The following TNR variants were observed in gnomAD, a reference collection of about 807,000 sequenced individuals.
TNR encodes the protein tenascin R.
TNR carries 45 observed loss-of-function variants against 150.4 expected under a neutral mutation model. The observed-to-expected ratio is 0.30, with a 90% CI of 0.24 to 0.38. TNR has a LOEUF of 0.38. TNR is among the 10% of genes least tolerant of loss of function. The pLI, the probability that TNR is intolerant of heterozygous loss-of-function variation, is 1.00. For missense variants in TNR, 1,544 were observed against 1,759.1 expected (o/e 0.88, Z 2.19); for synonymous variants, 687 against 678.4 (o/e 1.01, Z -0.20).
intron 2 of TNR, among the ~76,000 whole-genome samples, chr1:175,447,426 C>A (rs1388115814): frequency 1.3e-5 from 2 of 152,188 alleles, no homozygotes; most frequent in Admixed American, 1.3e-4. Flanking sequence ...GGTCTTACAT[C>A]ATTCATTGTT....
intron 1 of TNR, among the ~76,000 whole-genome samples, chr1:175,620,353 A>G (rs1159889032): frequency 6.6e-6 from 1 of 152,228 alleles, no homozygotes; most frequent in African/African-American, 2.4e-5. Flanking sequence ...GAATTGGAAT[A>G]GGCAGAGAGA....
chr1:175,719,265 G>T, intron 1 of TNR, among the ~76,000 whole-genome samples: 1 of 152,148 alleles, frequency 6.6e-6, no homozygotes, highest in Non-Finnish European at 1.5e-5. Flanking sequence ...GGGGTGTCGG[G>T]ATATTGGGGC....
At chr1:175,699,707 G>A (rs1390310884) in intron 1 of TNR, among the ~76,000 whole-genome samples, 2 of 152,138 alleles carry the variant, frequency 1.3e-5, no homozygotes, top group Non-Finnish European at 2.9e-5. Context: ...GGTGGCCAGC[G>A]ACTGACAGGC....
chr1:175,360,783 T>G (rs551377139), intron 14 of TNR, among the ~76,000 whole-genome samples: 1 of 152,344 alleles, frequency 6.6e-6, no homozygotes, highest in East Asian at 1.9e-4. Context: ...GCCCTTAGAC[T>G]ACACTTGGCT....
chr1:175,714,795 A>G (rs1667110259), intron 1 of TNR, among the ~76,000 whole-genome samples: 1 of 152,184 alleles, frequency 6.6e-6, no homozygotes, highest in East Asian at 1.9e-4. Context: ...GCACTGGACA[A>G]TGTGCAAGAC....
At chr1:175,737,066 CA>C (rs1667792882) in intron 1 of TNR, among the ~76,000 whole-genome samples, 1 of 152,090 alleles carries the variant, frequency 6.6e-6, no homozygotes, top group African/African-American at 2.4e-5. Flanking sequence ...ACAACAACAA[CA>C]ACACAAAGTA....
At chr1:175,723,453 CAA>C in intron 1 of TNR, among the ~76,000 whole-genome samples, 1 of 152,170 alleles carries the variant, frequency 6.6e-6, no homozygotes, top group East Asian at 1.9e-4. Flanking sequence ...TCTGGAAAGA[CAA>C]AGGTGAGCAA....
At chr1:175,633,310 T>C (rs969328764) in intron 1 of TNR, among the ~76,000 whole-genome samples, 1 of 152,196 alleles carries the variant, frequency 6.6e-6, no homozygotes, top group Non-Finnish European at 1.5e-5. Flanking sequence ...TGTTCTTTTT[T>C]TGTTTCCACT....
At chr1:175,498,027 T>C (rs540392906) in intron 2 of TNR, among the ~76,000 whole-genome samples, 1,800 of 152,216 alleles carry the variant, frequency 0.012, 29 homozygotes, top group African/African-American at 0.04. Context: ...GCCACTGCCC[T>C]CTAGCCTGGG....
chr1:175,354,112 T>G (rs925160661), intron 18 of TNR, among the ~76,000 whole-genome samples: 5 of 152,144 alleles, frequency 3.3e-5, no homozygotes, highest in African/African-American at 4.8e-5. Context: ...CCCGAAGTGC[T>G]GGGATTATAG....
chr1:175,387,047 C>A (rs1369116379), intron 7 of TNR, among the ~76,000 whole-genome samples: 1 of 152,204 alleles, frequency 6.6e-6, no homozygotes, highest in Non-Finnish European at 1.5e-5. Flanking sequence ...AAGCCCTGGC[C>A]CCTGGCACTG....
At chr1:175,696,015 C>G (rs1005507) in intron 1 of TNR, among the ~76,000 whole-genome samples, 43 of 151,426 alleles carry the variant, frequency 2.8e-4, no homozygotes, top group East Asian at 1.2e-3. Flanking sequence ...GATGGATGGA[C>G]AGATAGATTA....
At chr1:175,695,942 A>G (rs1666501687) in intron 1 of TNR, among the ~76,000 whole-genome samples, 1 of 151,950 alleles carries the variant, frequency 6.6e-6, no homozygotes, top group Non-Finnish European at 1.5e-5. Context: ...TAATTGTTGG[A>G]TGGATGGAAG....
intron 2 of TNR, among the ~76,000 whole-genome samples, chr1:175,472,133 G>A (rs1451304595): frequency 1.3e-5 from 2 of 152,078 alleles, no homozygotes; most frequent in Admixed American, 1.3e-4. Context: ...GCAAGACCCT[G>A]TCTCTACAAA....
intron 1 of TNR, among the ~76,000 whole-genome samples, chr1:175,570,885 A>G (rs1243508844): frequency 3.3e-5 from 5 of 152,286 alleles, no homozygotes; most frequent in Admixed American, 2.0e-4. Context: ...TCTTCACATG[A>G]CACCAGAATC....
intron 18 of TNR, among the ~76,000 whole-genome samples, chr1:175,351,461 T>C (rs1362803467): frequency 6.6e-6 from 1 of 152,196 alleles, no homozygotes; most frequent in Non-Finnish European, 1.5e-5. Flanking sequence ...TCTTGAAGGT[T>C]ATACCTCTTT....
chr1:175,499,837 C>T (rs1295318122), intron 2 of TNR, among the ~76,000 whole-genome samples: 1 of 152,180 alleles, frequency 6.6e-6, no homozygotes, highest in Non-Finnish European at 1.5e-5. Context: ...CTTTCATCCC[C>T]TCTGCCTCTC....
chr1:175,505,105 C>T (rs542365232), intron 2 of TNR, among the ~76,000 whole-genome samples: 3 of 151,772 alleles, frequency 2.0e-5, no homozygotes, highest in East Asian at 3.9e-4. Flanking sequence ...GTCCAGGAAC[C>T]GAATACAAGG....
intron 1 of TNR, among the ~76,000 whole-genome samples, chr1:175,681,031 A>C (rs1666018432): frequency 1.3e-5 from 2 of 152,208 alleles, no homozygotes; most frequent in South Asian, 2.1e-4. Flanking sequence ...CACCTAGAGC[A>C]GTGCCTGGCA....
Sources: gnomAD v4.1 joint callset for allele counts (sites outside exome capture counted in the v4.1 genomes callset) on GRCh38, gnomAD v4.1.1 for gene constraint, MANE v1.5 for transcripts, NCBI Gene and HGNC (gene_info 2026-07-23, HGNC 2026-07-21) for gene names.